Variants in UGGT2 observed in about 807,000 individuals in gnomAD.
UGGT2 encodes UDP-glucose glycoprotein glucosyltransferase 2.
A neutral mutation model predicts 192.1 loss-of-function variants in UGGT2; 180 were observed. The observed-to-expected ratio is 0.94, with a 90% CI of 0.83 to 1.06. The LOEUF (loss-of-function observed/expected upper bound fraction) is 1.06. Ranked by LOEUF, UGGT2 falls within the 50% of genes least tolerant of loss-of-function variation. The pLI, the probability that UGGT2 is intolerant of heterozygous loss-of-function variation, is 0.00. For synonymous variants in UGGT2, 580 were observed against 591.0 expected, an observed-to-expected ratio of 0.98 and a Z score of 0.27; for missense variants, 1,849 against 1,795.7, an observed-to-expected ratio of 1.03 and a Z score of -0.54.
chr13:95,988,021 C>T (rs2051344426), intron 8 of UGGT2, among the ~76,000 whole-genome samples: 1 of 152,084 alleles, frequency 6.6e-6, no homozygotes, highest in South Asian at 2.1e-4. Flanking sequence ...TTCCTTGATA[C>T]ACAGAGGACA....
intron 38 of UGGT2, among the ~76,000 whole-genome samples, chr13:95,828,466 TA>T (rs1886286791): frequency 6.6e-6 from 1 of 151,766 alleles, no homozygotes; most frequent in Non-Finnish European, 1.5e-5. Context: ...ATAGATGCAA[TA>T]AAAAATGATA....
chr13:95,955,397 G>C (rs1402657691), intron 12 of UGGT2, among the ~76,000 whole-genome samples: 2 of 152,192 alleles, frequency 1.3e-5, no homozygotes, highest in Non-Finnish European at 2.9e-5. Context: ...AACCTAGTGA[G>C]AGTGGGAAAT....
At chr13:95,973,529 TAA>T (rs973160218) in intron 10 of UGGT2, among the ~76,000 whole-genome samples, 7 of 152,344 alleles carry the variant, frequency 4.6e-5, no homozygotes, top group African/African-American at 1.4e-4. Context: ...TCTAAATTCA[TAA>T]AAGTTTCCAT....
intron 17 of UGGT2, 67 bp downstream of exon 17, chr13:95,936,857 A>G: frequency 7.5e-7 from 1 of 1,325,152 alleles, no homozygotes; most frequent in Non-Finnish European, 1.0e-6. Flanking sequence ...TGTCATTAAA[A>G]TAAGTTTTTA....
At chr13:96,049,347 T>C (rs2053417064) in intron 1 of UGGT2, among the ~76,000 whole-genome samples, 1 of 152,160 alleles carries the variant, frequency 6.6e-6, no homozygotes, top group Admixed American at 6.6e-5. Flanking sequence ...TAAGAGCTAT[T>C]TATGACAAAT....
chr13:95,992,425 T>C (rs1428043604), intron 7 of UGGT2, among the ~76,000 whole-genome samples: 1 of 152,168 alleles, frequency 6.6e-6, no homozygotes, highest in East Asian at 1.9e-4. Flanking sequence ...AATGTATTCC[T>C]ACATACTTTT....
At chr13:95,871,928 G>C (rs149496633) in intron 29 of UGGT2, among the ~76,000 whole-genome samples, 8 of 152,052 alleles carry the variant, frequency 5.3e-5, no homozygotes, top group Non-Finnish European at 8.8e-5. Context: ...AGTACCTGCG[G>C]AGAAAGAATG....
chr13:96,005,103 T>C (rs928153179), intron 5 of UGGT2, among the ~76,000 whole-genome samples: 1 of 152,196 alleles, frequency 6.6e-6, no homozygotes, highest in African/African-American at 2.4e-5. Flanking sequence ...GATAAAATGT[T>C]AGCTGTCAAT....
intron 37 of UGGT2, among the ~76,000 whole-genome samples, chr13:95,836,076 T>G: frequency 6.6e-6 from 1 of 151,784 alleles, no homozygotes; most frequent in African/African-American, 2.4e-5. Flanking sequence ...TGAAATGGAG[T>G]TTTGCTCTTG....
chr13:96,016,621 A>G (rs1368339517), intron 4 of UGGT2, among the ~76,000 whole-genome samples: 6 of 152,208 alleles, frequency 3.9e-5, no homozygotes, highest in Non-Finnish European at 8.8e-5. Flanking sequence ...GCCTCCATCT[A>G]GATTTCAGAG....
chr13:95,926,948 A>C (rs2049033052), intron 19 of UGGT2, 80 bp downstream of exon 19: 2 of 1,322,894 alleles, frequency 1.5e-6, no homozygotes, highest in South Asian at 3.0e-5. Context: ...AACATATTAA[A>C]ATTTATTATA....
At chr13:96,011,623 T>C (rs964838398) in intron 5 of UGGT2, among the ~76,000 whole-genome samples, 4 of 152,080 alleles carry the variant, frequency 2.6e-5, no homozygotes, top group Admixed American at 1.3e-4. Flanking sequence ...TAGTTTATTA[T>C]GAAGTTAAAC....
chr13:95,877,316 G>A lies in UGGT2; in HGVS notation c.3436C>T (p.His1146Tyr), dbSNP rs1891791100. 1.2e-6 allele frequency: 2 copies of A among 1,605,958 alleles called. No homozygotes were observed. Among genetic ancestry groups the A allele is most frequent in the African/African-American group, 1.3e-5 (1 of 74,544 alleles). ...TAAATATCTTCAGATTTTCCTTGGT[G>A]TAACCTCAGTATCCAAGCACCTGGG... Reference protein sequence around the residue: ...ANPGAWILRLHQGKSEDIYQI... With the variant: ...ANPGAWILRLYQGKSEDIYQI... The change falls in exon 29 of 39, where the codon CAC becomes TAC. Residue 1146 changes from histidine (H) to tyrosine (Y), a missense_variant. By Grantham distance (83) the His-to-Tyr change is moderately conservative. Transcript: ENST00000376747.
chr13:96,003,863 AC>A (rs2051885056), intron 5 of UGGT2, among the ~76,000 whole-genome samples: 1 of 152,190 alleles, frequency 6.6e-6, no homozygotes, highest in Admixed American at 6.5e-5. Flanking sequence ...TCCTTAAGCC[AC>A]TAAATTTTGA....
At chr13:96,043,109 A>G (rs1230413505) in intron 1 of UGGT2, among the ~76,000 whole-genome samples, 1 of 152,230 alleles carries the variant, frequency 6.6e-6, no homozygotes, top group Non-Finnish European at 1.5e-5. Flanking sequence ...AAGAGCTGTG[A>G]GGCAAAAACA....
At chr13:95,983,730 G>T in intron 10 of UGGT2, 74 bp downstream of exon 10, 1 of 1,106,542 alleles carries the variant, frequency 9.0e-7, no homozygotes, top group Non-Finnish European at 1.3e-6. Context: ...TTTTTTGTAT[G>T]AATATTGAAG....
intron 36 of UGGT2, among the ~76,000 whole-genome samples, chr13:95,848,951 C>T (rs1888747306): frequency 6.6e-6 from 1 of 152,050 alleles, no homozygotes; most frequent in Admixed American, 6.5e-5. Context: ...TCTTGAATTT[C>T]TTTCATTAGA....
chr13:96,046,743 A>G (rs2139225810), intron 1 of UGGT2, among the ~76,000 whole-genome samples: 1 of 152,146 alleles, frequency 6.6e-6, no homozygotes, highest in East Asian at 1.9e-4. Context: ...GACAGATGGC[A>G]CCTGGAAAAT....
chr13:96,027,988 C>T (rs1297433926), intron 2 of UGGT2, among the ~76,000 whole-genome samples: 2 of 152,192 alleles, frequency 1.3e-5, no homozygotes, highest in Non-Finnish European at 2.9e-5. Flanking sequence ...ACTACAGGTA[C>T]TCTTCCTTAG....
Sources: allele counts gnomAD v4.1 joint callset (sites outside exome capture counted in the v4.1 genomes callset), GRCh38; gene constraint gnomAD v4.1.1; transcripts MANE v1.5; gene names NCBI Gene and HGNC (gene_info 2026-07-23, HGNC 2026-07-21).